HS3ST2: variants seen among roughly 807,000 people sequenced by gnomAD.
HS3ST2 encodes the protein heparan sulfate-glucosamine 3-sulfotransferase 2.
HS3ST2 carries 17 observed loss-of-function variants against 26.3 expected under a neutral mutation model. The observed-to-expected ratio is 0.65, with a 90% CI of 0.44 to 0.97. HS3ST2 has a LOEUF of 0.97. Among genes scored for constraint, HS3ST2 ranks in the 50% least tolerant of loss-of-function variants. The pLI is 0.00. For synonymous variants in HS3ST2, 237 were observed against 219.2 expected, an observed-to-expected ratio of 1.08 and a Z score of -0.72; for missense variants, 402 against 501.2, an observed-to-expected ratio of 0.80 and a Z score of 1.89.
At chr16:22,866,236 A>G (rs989484615) in intron 1 of HS3ST2, among the ~76,000 whole-genome samples, 4 of 152,178 alleles carry the variant, frequency 2.6e-5, no homozygotes, top group African/African-American at 4.8e-5. Flanking sequence ...TTGTCTGCCT[A>G]TAAAACCAAA....
intron 1 of HS3ST2, among the ~76,000 whole-genome samples, chr16:22,816,368 A>G (rs1280226403): frequency 6.6e-6 from 1 of 152,228 alleles, no homozygotes; most frequent in Non-Finnish European, 1.5e-5. Context: ...TGTTAGAAAG[A>G]GGACCCCACT....
chr16:22,853,491 C>T (rs1901546664), intron 1 of HS3ST2, among the ~76,000 whole-genome samples: 1 of 152,172 alleles, frequency 6.6e-6, no homozygotes, highest in Non-Finnish European at 1.5e-5. Flanking sequence ...ATTTAGGCCT[C>T]CTAGGGAAGA....
intron 1 of HS3ST2, among the ~76,000 whole-genome samples, chr16:22,818,039 C>T (rs1444986491): frequency 6.6e-6 from 1 of 152,218 alleles, no homozygotes; most frequent in African/African-American, 2.4e-5. Context: ...GTTCAGGCCA[C>T]TACCAGAGAG....
chr16:22,846,222 A>G (rs1901430136), intron 1 of HS3ST2, among the ~76,000 whole-genome samples: 1 of 151,998 alleles, frequency 6.6e-6, no homozygotes, highest in South Asian at 2.1e-4. Flanking sequence ...GGTTGCAGTG[A>G]GCCGAGATCA....
At chr16:22,848,787 C>T (rs544354064) in intron 1 of HS3ST2, among the ~76,000 whole-genome samples, 32 of 152,302 alleles carry the variant, frequency 2.1e-4, no homozygotes, top group South Asian at 1.2e-3. Flanking sequence ...CATAACTTAA[C>T]ACGAGGCTCT....
chr16:22,902,388 G>A (rs561665903), intron 1 of HS3ST2, among the ~76,000 whole-genome samples: 1 of 150,994 alleles, frequency 6.6e-6, no homozygotes, highest in South Asian at 2.1e-4. Flanking sequence ...CAATAGTCCA[G>A]GGGTGTTGTT....
chr16:22,914,457 G>C (rs1013890452), intron 1 of HS3ST2, among the ~76,000 whole-genome samples: 1 of 152,054 alleles, frequency 6.6e-6, no homozygotes, highest in Admixed American at 6.5e-5. Context: ...TGTAATCCCA[G>C]CACTTTGGGA....
intron 1 of HS3ST2, among the ~76,000 whole-genome samples, chr16:22,851,400 T>G (rs1901516304): frequency 6.6e-6 from 1 of 152,192 alleles, no homozygotes; most frequent in Non-Finnish European, 1.5e-5. Context: ...CTTATTGGAG[T>G]CAAGGGGCTT....
intron 1 of HS3ST2, among the ~76,000 whole-genome samples, chr16:22,872,738 A>G (rs1207615982): frequency 6.6e-6 from 1 of 152,160 alleles, no homozygotes; most frequent in African/African-American, 2.4e-5. Flanking sequence ...GCAGTCCTGG[A>G]CCTGAGAATA....
At chr16:22,871,269 T>C (rs1440206399) in intron 1 of HS3ST2, among the ~76,000 whole-genome samples, 1 of 151,730 alleles carries the variant, frequency 6.6e-6, no homozygotes, top group Non-Finnish European at 1.5e-5. Context: ...GGCAGAAGAA[T>C]TGCTTGAACC....
chr16:22,849,549 C>T (rs577888640), intron 1 of HS3ST2, among the ~76,000 whole-genome samples: 25 of 152,326 alleles, frequency 1.6e-4, no homozygotes, highest in African/African-American at 6.0e-4. Context: ...GTTTCTTGCT[C>T]ATGCTACATG....
At position 22,857,282 on chromosome 16, in the gene HS3ST2, G is replaced by A. The variant is rs79459857; in HGVS notation, c.485+42187G>A. Among the ~76,000 whole-genome samples the A allele has an allele frequency of 2.6e-3, 399 of 152,202 alleles. 7 individuals are homozygous for A. The East Asian group carries it at 0.035, about 13-fold the overall frequency. On this transcript the variant is annotated intron_variant, in intron 1 of 1. Transcript: ENST00000261374. ...ATGAATGCAAATTGTTTCACAAGAC[G>A]CTTCTTGCATCTTTCCACACGTATG...
rs571200098 is a variant in HS3ST2, at chr16:22,820,687, G to A, written c.485+5592G>A. ...CCACCTGGTCCCTCTGACAACATGTGGGAATTATGGGAGCTACAATTCAAG... is the reference window on the plus strand; with the variant it reads ...CCACCTGGTCCCTCTGACAACATGTAGGAATTATGGGAGCTACAATTCAAG... On this transcript the variant is annotated intron_variant, in intron 1 of 1. Coordinates refer to ENST00000261374, the MANE Select transcript of HS3ST2 (RefSeq NM_006043.2). Among the ~76,000 whole-genome samples the A allele has an allele frequency of 3.3e-5, 5 of 152,346 alleles. No homozygotes were observed. The East Asian group carries it at 9.7e-4, about 29-fold the overall frequency.
intron 1 of HS3ST2, among the ~76,000 whole-genome samples, chr16:22,829,617 C>G (rs1901139957): frequency 6.6e-6 from 1 of 152,040 alleles, no homozygotes. Context: ...TGGATGGGAC[C>G]TACAATCTGC....
At chr16:22,838,419 T>C (rs1476292976) in intron 1 of HS3ST2, among the ~76,000 whole-genome samples, 1 of 152,018 alleles carries the variant, frequency 6.6e-6, no homozygotes, top group Non-Finnish European at 1.5e-5. Context: ...TGACAGCTGG[T>C]GGAGGCCTCT....
intron 1 of HS3ST2, among the ~76,000 whole-genome samples, chr16:22,866,495 C>A (rs1157205953): frequency 6.6e-6 from 1 of 151,980 alleles, no homozygotes; most frequent in Non-Finnish European, 1.5e-5. Flanking sequence ...GAAGGCTGGG[C>A]ACAGTAGCTC....
At chr16:22,863,242 C>T (rs112425696) in intron 1 of HS3ST2, among the ~76,000 whole-genome samples, 1 of 152,166 alleles carries the variant, frequency 6.6e-6, no homozygotes, top group Non-Finnish European at 1.5e-5. Flanking sequence ...TTGTTCCTGC[C>T]TTGGGGCCAT....
At chr16:22,832,333 A>G (rs1202987990) in intron 1 of HS3ST2, among the ~76,000 whole-genome samples, 1 of 151,958 alleles carries the variant, frequency 6.6e-6, no homozygotes, top group Non-Finnish European at 1.5e-5. Flanking sequence ...TTATTCAAGA[A>G]ACATCCCTGA....
chr16:22,888,456 A>G lies in HS3ST2; in HGVS notation c.486-26488A>G, dbSNP rs1356093708. On this transcript the variant is annotated intron_variant, in intron 1 of 1. Coordinates refer to ENST00000261374, the MANE Select transcript of HS3ST2 (RefSeq NM_006043.2). ...GGCTGGAGTGCAGTGGCACAATCTCAGCTCACTGCAACCTCCACCTCCCGG... is the reference window on the plus strand; with the variant it reads ...GGCTGGAGTGCAGTGGCACAATCTCGGCTCACTGCAACCTCCACCTCCCGG... Among the ~76,000 whole-genome samples the G allele has an allele frequency of 7.8e-5, 11 of 140,450 alleles. No homozygotes were observed. In the Admixed American group the frequency reaches 8.7e-4, roughly 11 times the overall value. The allele number at this position is 140,450 out of a possible 152,430, so 92.1% of individuals were successfully genotyped here. A position where few individuals can be genotyped will look rare whatever the true frequency, so the allele number is the denominator to read the frequency against.
Sources: allele counts gnomAD v4.1 joint callset (sites outside exome capture counted in the v4.1 genomes callset), GRCh38; gene constraint gnomAD v4.1.1; transcripts MANE v1.5; gene names NCBI Gene and HGNC (gene_info 2026-07-23, HGNC 2026-07-21).